MYO1B: variants seen among roughly 807,000 people sequenced by gnomAD.
MYO1B encodes the protein unconventional myosin-Ib.
MYO1B carries 72 observed loss-of-function variants against 159.7 expected under a neutral mutation model. The ratio of observed to expected loss-of-function variants is 0.45; its 90% CI spans 0.37 to 0.55. The LOEUF is 0.55. Ranked by LOEUF, MYO1B falls within the 20% of genes least tolerant of loss-of-function variation. The probability of loss-of-function intolerance (pLI) is 0.00; values close to 1 mark genes in which losing one functional copy is unlikely to be tolerated. For synonymous variants in MYO1B, 468 were observed against 473.8 expected (o/e 0.99, Z 0.16); for missense variants, 1,062 against 1,364.8 (o/e 0.78, Z 3.50).
chr2:191,269,781 A>C (rs1275816367), intron 1 of MYO1B, among the ~76,000 whole-genome samples: 2 of 152,206 alleles, frequency 1.3e-5, no homozygotes, highest in Non-Finnish European at 2.9e-5. Flanking sequence ...GAGCTTAATC[A>C]AGGTGATACA....
chr2:191,275,467 C>G (rs939994828), intron 1 of MYO1B, among the ~76,000 whole-genome samples: 5 of 152,072 alleles, frequency 3.3e-5, no homozygotes, highest in Non-Finnish European at 5.9e-5. Context: ...TTCTTAATTA[C>G]TAGCCCTTCC....
At chr2:191,297,914 CAGTAA>C (rs1362732342) in intron 3 of MYO1B, among the ~76,000 whole-genome samples, 1 of 152,168 alleles carries the variant, frequency 6.6e-6, no homozygotes, top group South Asian at 2.1e-4. Flanking sequence ...CAGCCCTTCA[CAGTAA>C]AGCGTTGTCT....
chr2:191,316,219 C>G lies in MYO1B; in HGVS notation c.252-13716C>G, dbSNP rs141297210. Among the ~76,000 whole-genome samples, 653 of 152,284 alleles carry G rather than the reference C, an allele frequency of 4.3e-3. 9 individuals are homozygous for G. Among genetic ancestry groups the G allele is most frequent in the African/African-American group, 0.014 (590 of 41,562 alleles). On this transcript the variant is annotated intron_variant, in intron 3 of 30. Transcript: ENST00000392318. ...ACAATTTCCACTGCCAATAAAAGAT[C>G]CTTAATTTTAAAATTCATTAATAGA...
chr2:191,357,069 G>A (rs955971435), intron 7 of MYO1B, among the ~76,000 whole-genome samples: 6 of 152,152 alleles, frequency 3.9e-5, no homozygotes, highest in Admixed American at 1.3e-4. Flanking sequence ...TTCCAGGAGA[G>A]GAGAGTATAC....
chr2:191,361,528 A>T (rs1427116011), intron 8 of MYO1B, among the ~76,000 whole-genome samples: 1 of 151,736 alleles, frequency 6.6e-6, no homozygotes, highest in Non-Finnish European at 1.5e-5. Context: ...AGTCATCTTC[A>T]CTAATAATCA....
intron 2 of MYO1B, among the ~76,000 whole-genome samples, chr2:191,292,414 G>A (rs1688738540): frequency 1.3e-5 from 2 of 152,186 alleles, no homozygotes; most frequent in South Asian, 2.1e-4. Flanking sequence ...AGAACAGCTC[G>A]AAGCAGTGAG....
Position 191,360,748 on chromosome 2 carries a change from G to GTTGTGT in MYO1B, c.661+20_661+21insTGTGTT. 8.9e-7 allele frequency: 1 copy of GTTGTGT among 1,122,348 alleles called. No individual in the cohort carries two copies. The highest frequency in any genetic ancestry group is 1.5e-5 in the South Asian group (1 of 64,556). 69.5% of individuals were successfully genotyped at this position (1,122,348 alleles called of 1,614,324 possible). A position where few individuals can be genotyped will look rare whatever the true frequency, so the allele number is the denominator to read the frequency against. On this transcript the variant is annotated intron_variant, in intron 8 of 30. Coordinates refer to ENST00000392318, the MANE Select transcript of MYO1B (RefSeq NM_001130158.3). ...CTCCTCAGTAAGTCTCTGTTTCTAT[G>GTTGTGT]TGGTGTTGTTGTTGTTGTTGTTGTT... is the stretch of plus-strand genomic sequence containing the variant.
chr2:191,297,443 A>G (rs1041451791), intron 3 of MYO1B, among the ~76,000 whole-genome samples: 2 of 152,250 alleles, frequency 1.3e-5, no homozygotes, highest in Non-Finnish European at 1.5e-5. Flanking sequence ...AACGTATGCA[A>G]AAGTGCCTTG....
At chr2:191,308,548 C>CT (rs2125853009) in intron 3 of MYO1B, among the ~76,000 whole-genome samples, 1 of 152,314 alleles carries the variant, frequency 6.6e-6, no homozygotes, top group African/African-American at 2.4e-5. Flanking sequence ...ACTGCCTTAT[C>CT]TTTTTTCTTT....
At chr2:191,369,521 T>C in intron 11 of MYO1B, 21 bp from the exon 12 acceptor site, 1 of 1,583,478 alleles carries the variant, frequency 6.3e-7, no homozygotes, top group South Asian at 1.1e-5. Context: ...TGTTAAGTTT[T>C]GTTTGTTTGT....
chr2:191,344,925 A>C (rs1291289873), intron 5 of MYO1B, among the ~76,000 whole-genome samples: 1 of 152,042 alleles, frequency 6.6e-6, no homozygotes, highest in East Asian at 1.9e-4. Flanking sequence ...TACCGGAGTT[A>C]ACATAGGTAA....
chr2:191,287,959 T>A (rs919697849), intron 2 of MYO1B, among the ~76,000 whole-genome samples: 5 of 152,052 alleles, frequency 3.3e-5, no homozygotes, highest in African/African-American at 1.2e-4. Context: ...GCTGTTCCAT[T>A]CTCTGTCTTT....
chr2:191,386,721 T>C (rs539141738), intron 16 of MYO1B, among the ~76,000 whole-genome samples: 1 of 152,326 alleles, frequency 6.6e-6, no homozygotes, highest in South Asian at 2.1e-4. Context: ...ATATAGTACC[T>C]GAATTACCTT....
At chr2:191,336,066 G>T (rs1386072728) in intron 4 of MYO1B, among the ~76,000 whole-genome samples, 3 of 152,172 alleles carry the variant, frequency 2.0e-5, no homozygotes. Flanking sequence ...TGGGGGCAGG[G>T]GGGCAGAATA....
At chr2:191,379,121 G>A (rs1238376922) in intron 13 of MYO1B, 3 of 152,638 alleles carry the variant, frequency 2.0e-5, no homozygotes, top group Non-Finnish European at 4.4e-5. Context: ...TTGATCCAAA[G>A]TTTTACACTG....
intron 15 of MYO1B, among the ~76,000 whole-genome samples, chr2:191,383,728 A>G (rs138174809): frequency 5.5e-4 from 83 of 151,884 alleles, no homozygotes; most frequent in African/African-American, 2.0e-3. Flanking sequence ...TAAAGGTACC[A>G]GCCTTTCTTG....
intron 27 of MYO1B, among the ~76,000 whole-genome samples, chr2:191,413,351 G>A (rs575364845): frequency 6.6e-6 from 1 of 152,280 alleles, no homozygotes; most frequent in South Asian, 2.1e-4. Flanking sequence ...ATAATAAAGT[G>A]TTGGATATCT....
chr2:191,291,507 T>C (rs1249941018), intron 2 of MYO1B, among the ~76,000 whole-genome samples: 1 of 152,180 alleles, frequency 6.6e-6, no homozygotes, highest in Non-Finnish European at 1.5e-5. Context: ...TCCTTTCTTT[T>C]CCCTTCCTGG....
At chr2:191,422,590 T>C (rs1698006776) in intron 30 of MYO1B, among the ~76,000 whole-genome samples, 1 of 152,208 alleles carries the variant, frequency 6.6e-6, no homozygotes, top group African/African-American at 2.4e-5. Context: ...ATTAAAGATA[T>C]ATGTGGTAGA....
Sources: gnomAD v4.1 joint callset for allele counts (sites outside exome capture counted in the v4.1 genomes callset) on GRCh38, gnomAD v4.1.1 for gene constraint, MANE v1.5 for transcripts, NCBI Gene and HGNC (gene_info 2026-07-23, HGNC 2026-07-21) for gene names.